NPAS3: variants seen among roughly 807,000 people sequenced by gnomAD.
NPAS3 encodes the protein neuronal PAS domain protein 3, also known as neuronal PAS domain-containing protein 3.
NPAS3 carries 14 observed loss-of-function variants against 73.1 expected under a neutral mutation model. The observed-to-expected ratio is 0.19, with a 90% confidence interval of 0.13 to 0.30. The LOEUF (loss-of-function observed/expected upper bound fraction) is 0.30, where lower values mean the gene tolerates loss of function less well. Among genes scored for constraint, NPAS3 ranks in the 10% least tolerant of loss-of-function variants. The pLI is 1.00. For synonymous variants in NPAS3, 620 were observed against 541.5 expected (o/e 1.14, Z -2.01); for missense variants, 1,096 against 1,250.0 (o/e 0.88, Z 1.86).
chr14:33,246,573 C>T (rs575781818), intron 3 of NPAS3, among the ~76,000 whole-genome samples: 29 of 150,246 alleles, frequency 1.9e-4, no homozygotes, highest in African/African-American at 3.4e-4. Context: ...ACTAAGTGCT[C>T]ACTTGTTCCT....
At chr14:33,365,022 C>T (rs116601239) in intron 3 of NPAS3, among the ~76,000 whole-genome samples, 1,657 of 150,458 alleles carry the variant, frequency 0.011, 31 homozygotes, top group African/African-American at 0.039. Context: ...GGGGAGGGGA[C>T]GTGCAGTGAT....
At chr14:33,799,096 G>A (rs1178158492) in intron 11 of NPAS3, among the ~76,000 whole-genome samples, 1 of 152,028 alleles carries the variant, frequency 6.6e-6, no homozygotes, top group Non-Finnish European at 1.5e-5. Flanking sequence ...AGTGAGCAGT[G>A]ACCACCCTGC....
chr14:32,935,001 GC>G, upstream of NPAS3: 2 of 1,322,426 alleles, frequency 1.5e-6, no homozygotes, highest in South Asian at 2.1e-5. Flanking sequence ...CCTACCAGCA[GC>G]GGTGAGTAGT....
intron 4 of NPAS3, among the ~76,000 whole-genome samples, chr14:33,548,952 A>G (rs1207563595): frequency 1.3e-5 from 2 of 152,234 alleles, no homozygotes; most frequent in Non-Finnish European, 2.9e-5. Context: ...TGGGACATGT[A>G]TATGGTAGCA....
At chr14:33,082,304 G>A (rs541552144) in intron 2 of NPAS3, among the ~76,000 whole-genome samples, 6 of 152,244 alleles carry the variant, frequency 3.9e-5, no homozygotes, top group Admixed American at 2.0e-4. Flanking sequence ...AGGCACACAC[G>A]GCTGGAGTTA....
intron 4 of NPAS3, among the ~76,000 whole-genome samples, chr14:33,447,873 C>T (rs1230981430): frequency 6.6e-6 from 1 of 152,036 alleles, no homozygotes; most frequent in African/African-American, 2.4e-5. Context: ...TATGATTGTG[C>T]CACTGTACTC....
intron 3 of NPAS3, among the ~76,000 whole-genome samples, chr14:33,304,306 T>C (rs937253777): frequency 3.3e-5 from 5 of 152,204 alleles, no homozygotes; most frequent in African/African-American, 1.2e-4. Flanking sequence ...GTTATCCTTT[T>C]TAATTCTTTT....
intron 5 of NPAS3, among the ~76,000 whole-genome samples, chr14:33,604,401 TA>T (rs1360770287): frequency 3.9e-5 from 6 of 151,972 alleles, no homozygotes; most frequent in Admixed American, 1.3e-4. Context: ...TCAAAGAATA[TA>T]ACTATGGATA....
At chr14:33,169,911 T>C (rs1009407595) in intron 2 of NPAS3, among the ~76,000 whole-genome samples, 1 of 152,198 alleles carries the variant, frequency 6.6e-6, no homozygotes, top group African/African-American at 2.4e-5. Flanking sequence ...CAGCAGCTTA[T>C]CTGGAAAACT....
At chr14:33,067,161 T>A (rs1175737511) in intron 2 of NPAS3, among the ~76,000 whole-genome samples, 1 of 152,226 alleles carries the variant, frequency 6.6e-6, no homozygotes, top group East Asian at 1.9e-4. Flanking sequence ...TTCAACTGGA[T>A]GACAGGGTCC....
intron 4 of NPAS3, among the ~76,000 whole-genome samples, chr14:33,493,865 T>A (rs908318392): frequency 2.0e-5 from 3 of 152,140 alleles, no homozygotes; most frequent in African/African-American, 7.2e-5. Flanking sequence ...AAGGAAATTA[T>A]CTAGGCACAT....
intron 4 of NPAS3, among the ~76,000 whole-genome samples, chr14:33,512,346 G>A (rs1381552900): frequency 8.6e-5 from 13 of 151,842 alleles, no homozygotes; most frequent in African/African-American, 2.7e-4. Context: ...TCACAGAAGT[G>A]AAGAAATCCA....
chr14:33,311,486 A>C (rs1460126330), intron 3 of NPAS3, among the ~76,000 whole-genome samples: 1 of 152,166 alleles, frequency 6.6e-6, no homozygotes, highest in Admixed American at 6.6e-5. Flanking sequence ...GCCATGGTGC[A>C]ATAGGTTTTT....
At chr14:32,968,093 C>T (rs776271261) in intron 1 of NPAS3, among the ~76,000 whole-genome samples, 3 of 151,814 alleles carry the variant, frequency 2.0e-5, no homozygotes, top group Non-Finnish European at 4.4e-5. Context: ...ACTAGAGGGG[C>T]AGGGGATGGG....
At chr14:33,792,622 C>G (rs2063393366) in intron 9 of NPAS3, among the ~76,000 whole-genome samples, 1 of 151,142 alleles carries the variant, frequency 6.6e-6, no homozygotes, top group Non-Finnish European at 1.5e-5. Context: ...CTTCATGAAA[C>G]TGTTGTATAT....
At chr14:33,568,130 A>T (rs910105061) in intron 5 of NPAS3, among the ~76,000 whole-genome samples, 1 of 152,254 alleles carries the variant, frequency 6.6e-6, no homozygotes, top group Non-Finnish European at 1.5e-5. Context: ...CAGAAAAAAA[A>T]TACTTTGTAA....
chr14:33,001,580 C>G (rs890323196), intron 1 of NPAS3, among the ~76,000 whole-genome samples: 3 of 152,116 alleles, frequency 2.0e-5, no homozygotes, highest in Non-Finnish European at 4.4e-5. Flanking sequence ...TATTTTTTAT[C>G]AACAGTCTCT....
chr14:33,658,346 GT>G (rs1158291393), intron 5 of NPAS3, among the ~76,000 whole-genome samples: 1 of 152,152 alleles, frequency 6.6e-6, no homozygotes, highest in African/African-American at 2.4e-5. Context: ...TAAGCCAGTA[GT>G]TTATATTATG....
intron 4 of NPAS3, among the ~76,000 whole-genome samples, chr14:33,369,366 C>A (rs1594782598): frequency 8.8e-6 from 1 of 113,246 alleles, no homozygotes. Flanking sequence ...TTAAAAGGGG[C>A]ATCAATGCCC....
Sources: allele counts gnomAD v4.1 joint callset (sites outside exome capture counted in the v4.1 genomes callset), GRCh38; gene constraint gnomAD v4.1.1; transcripts MANE v1.5; gene names NCBI Gene and HGNC (gene_info 2026-07-23, HGNC 2026-07-21).